NUP107: variants seen among roughly 807,000 people sequenced by gnomAD.
NUP107 encodes nucleoporin 107.
A neutral mutation model predicts 141.0 loss-of-function variants in NUP107; 101 were observed. The observed-to-expected ratio is 0.72, with a 90% CI of 0.61 to 0.84. The LOEUF (loss-of-function observed/expected upper bound fraction) is 0.84. NUP107 is among the 40% of genes least tolerant of loss of function. The pLI, the probability that NUP107 is intolerant of heterozygous loss-of-function variation, is 0.00. For missense variants in NUP107, 941 were observed against 1,102.7 expected, an observed-to-expected ratio of 0.85 and a Z score of 2.08; for synonymous variants, 319 against 363.9, an observed-to-expected ratio of 0.88 and a Z score of 1.41.
intron 1 of NUP107, among the ~76,000 whole-genome samples, chr12:68,688,660 A>G (rs1875621408): frequency 1.3e-5 from 2 of 152,236 alleles, no homozygotes; most frequent in South Asian, 4.1e-4. Context: ...TCATGAAGCA[A>G]TTATCTAAAA....
intron 21 of NUP107, 107 bp from the exon 22 acceptor site, chr12:68,731,499 AT>A (rs1877825992): frequency 1.6e-6 from 1 of 626,902 alleles, no homozygotes; most frequent in African/African-American, 1.9e-5. Flanking sequence ...TACATATTTT[AT>A]TTTTAAGGAA....
intron 1 of NUP107, among the ~76,000 whole-genome samples, chr12:68,688,122 G>T (rs1875596154): frequency 6.6e-6 from 1 of 152,134 alleles, no homozygotes; most frequent in Admixed American, 6.5e-5. Flanking sequence ...CCCTAAACTG[G>T]GGTCACATTG....
intron 10 of NUP107, 98 bp from the exon 11 acceptor site, chr12:68,713,632 T>C (rs1876971942): frequency 1.2e-6 from 1 of 836,206 alleles, no homozygotes; most frequent in African/African-American, 1.7e-5. Context: ...TTACTGGGAT[T>C]GTAGTCTGTC....
chr12:68,687,810 T>A (rs1215820620), intron 1 of NUP107: 2 of 239,074 alleles, frequency 8.4e-6, no homozygotes, highest in Non-Finnish European at 1.4e-5. Flanking sequence ...ATGAGATGGG[T>A]ACTGTTATCC....
At chr12:68,707,642 TTTAA>T (rs1268597008) in intron 8 of NUP107, among the ~76,000 whole-genome samples, 1 of 152,096 alleles carries the variant, frequency 6.6e-6, no homozygotes, top group Non-Finnish European at 1.5e-5. Flanking sequence ...TGCACATGTT[TTTAA>T]TCTTTATTCC....
intron 20 of NUP107, among the ~76,000 whole-genome samples, chr12:68,728,720 T>G (rs914143586): frequency 1.1e-4 from 14 of 125,462 alleles, no homozygotes; most frequent in Admixed American, 1.0e-3. Flanking sequence ...TGGACCTGTC[T>G]TTTTTTTTTT....
intron 26 of NUP107, among the ~76,000 whole-genome samples, chr12:68,736,717 C>CTTTTTTTTTTTTTTTTTTT (rs10713889): frequency 3.3e-4 from 35 of 105,880 alleles, no homozygotes; most frequent in African/African-American, 1.2e-3. Flanking sequence ...GTGTCGCCAC[C>CTTTTTTTTTTTTTTTTTTT]TTTTTTTTTT....
At chr12:68,734,584 A>C (rs1005690690) in intron 24 of NUP107, 124 bp from the exon 25 acceptor site, 1 of 707,774 alleles carries the variant, frequency 1.4e-6, no homozygotes, top group Non-Finnish European at 2.3e-6. Context: ...ATATATATTG[A>C]ACAGTTTTAT....
At chr12:68,741,783 T>C (rs1878329204) in intron 26 of NUP107, 30 bp from the exon 27 acceptor site, 1 of 1,593,534 alleles carries the variant, frequency 6.3e-7, no homozygotes, top group South Asian at 1.1e-5. Flanking sequence ...GCTTAAATTG[T>C]TAAAATGATT....
At chr12:68,734,576 A>G in intron 24 of NUP107, 132 bp from the exon 25 acceptor site, 1 of 667,724 alleles carries the variant, frequency 1.5e-6, no homozygotes. Context: ...GGAAAAAAAT[A>G]TATATTGAAC....
intron 7 of NUP107, 55 bp from the exon 8 acceptor site, chr12:68,702,681 G>T: frequency 7.9e-7 from 1 of 1,268,788 alleles, no homozygotes; most frequent in South Asian, 1.4e-5. Context: ...TCAGTGGCAA[G>T]TTCATTATAT....
chr12:68,692,728 A>G (rs1875868451), intron 5 of NUP107, among the ~76,000 whole-genome samples: 1 of 151,082 alleles, frequency 6.6e-6, no homozygotes, highest in African/African-American at 2.4e-5. Flanking sequence ...GACTGCAGGC[A>G]TGTACCACCA....
intron 23 of NUP107, among the ~76,000 whole-genome samples, chr12:68,732,976 C>A (rs1039077339): frequency 1.3e-5 from 2 of 152,166 alleles, no homozygotes; most frequent in Non-Finnish European, 2.9e-5. Context: ...AACCACCACA[C>A]CCAGATTTTT....
At chr12:68,715,788 C>G (rs1565695516) in intron 12 of NUP107, 48 bp downstream of exon 12, 2 of 1,165,976 alleles carry the variant, frequency 1.7e-6, no homozygotes, top group Non-Finnish European at 2.5e-6. Context: ...GTCATAGACT[C>G]TTTGAGTTGG....
intron 10 of NUP107, among the ~76,000 whole-genome samples, 154 bp from the exon 11 acceptor site, chr12:68,713,576 C>T (rs1047467553): frequency 1.3e-5 from 2 of 152,100 alleles, no homozygotes; most frequent in African/African-American, 4.8e-5. Flanking sequence ...CACCATTAGT[C>T]ATCTGAGCTA....
intron 8 of NUP107, chr12:68,706,796 A>T: frequency 1.3e-6 from 1 of 757,850 alleles, no homozygotes; most frequent in Admixed American, 1.7e-5. Context: ...CACCACTTAA[A>T]GGAAGCTGCT....
At chr12:68,708,768 G>T (rs563242556) in intron 8 of NUP107, among the ~76,000 whole-genome samples, 7 of 152,092 alleles carry the variant, frequency 4.6e-5, no homozygotes, top group African/African-American at 1.7e-4. Context: ...ACAGGCTTGC[G>T]TCACCACGCC....
At chr12:68,727,308 T>C (rs778043825) in intron 19 of NUP107, 43 bp from the exon 20 acceptor site, 1 of 1,035,488 alleles carries the variant, frequency 9.7e-7, no homozygotes, top group South Asian at 1.5e-5. Flanking sequence ...GTTACTTTCA[T>C]ATAAGCAGTG....
chr12:68,692,996 C>T (rs1415714928), intron 5 of NUP107, among the ~76,000 whole-genome samples: 6 of 152,004 alleles, frequency 3.9e-5, no homozygotes, highest in African/African-American at 7.2e-5. Context: ...GTGATCCACC[C>T]GCCTTGGCCT....
Sources: allele counts gnomAD v4.1 joint callset (sites outside exome capture counted in the v4.1 genomes callset), GRCh38; gene constraint gnomAD v4.1.1; transcripts MANE v1.5; gene names NCBI Gene and HGNC (gene_info 2026-07-23, HGNC 2026-07-21).